RNF168: variants seen among roughly 807,000 people sequenced by gnomAD.
RNF168 encodes E3 ubiquitin-protein ligase RNF168.
A neutral mutation model predicts 34.9 loss-of-function variants in RNF168; 34 were observed. The observed-to-expected ratio is 0.97, with a 90% CI of 0.74 to 1.30. The LOEUF is 1.30. Among genes scored for constraint, RNF168 ranks in the 50% most tolerant of loss-of-function variants. The pLI is 0.00. For synonymous variants in RNF168, 264 were observed against 254.7 expected, an observed-to-expected ratio of 1.04 and a Z score of -0.35; for missense variants, 725 against 682.5, an observed-to-expected ratio of 1.06 and a Z score of -0.69.
intron 3 of RNF168, among the ~76,000 whole-genome samples, chr3:196,485,841 C>T (rs953414366): frequency 3.3e-5 from 5 of 152,018 alleles, no homozygotes; most frequent in Admixed American, 2.0e-4. Context: ...TTAAGATATT[C>T]GTTGTTTGAA....
intron 1 of RNF168, among the ~76,000 whole-genome samples, chr3:196,494,951 C>T (rs1223558189): frequency 6.6e-6 from 1 of 152,022 alleles, no homozygotes; most frequent in African/African-American, 2.4e-5. Flanking sequence ...TGAGCCCGGG[C>T]GGTGGAGGGT....
At chr3:196,481,732 C>T (rs1331321235) in intron 4 of RNF168, among the ~76,000 whole-genome samples, 1 of 131,396 alleles carries the variant, frequency 7.6e-6, no homozygotes, top group Admixed American at 9.1e-5. Context: ...TAGCTCACTG[C>T]AGCTTCGACC....
chr3:196,472,570 C>T lies in RNF168; in HGVS notation c.965G>A (p.Gly322Glu). ...GTGACTTAAGACACATAACTCTTTC[C>T]CATGATTGCTTGGTCTTGTTTTGAC... ...GNVKTRPSNH[G>E]KELCVLSHER... Residue 322 changes from glycine (G) to glutamate (E), a missense_variant, in exon 6 of 6, where the codon GGG (glycine) becomes GAG (glutamate). Coordinates refer to ENST00000318037, the MANE Select transcript of RNF168 (RefSeq NM_152617.4). The T allele has an allele frequency of 6.2e-7, 1 of 1,614,210 alleles. No homozygotes were observed. The highest frequency in any genetic ancestry group is 1.3e-5 in the African/African-American group (1 of 75,046).
At chr3:196,500,383 G>A (rs114833967) in intron 1 of RNF168, among the ~76,000 whole-genome samples, 3,031 of 152,214 alleles carry the variant, frequency 0.02, 100 homozygotes, top group African/African-American at 0.069. Context: ...CATTACGCTA[G>A]GTAAAACAGG....
chr3:196,490,829 A>G (rs1395873103), intron 1 of RNF168, among the ~76,000 whole-genome samples: 1 of 152,234 alleles, frequency 6.6e-6, no homozygotes, highest in Non-Finnish European at 1.5e-5. Context: ...GTCACTAAGG[A>G]GGATCTATTC....
intron 4 of RNF168, among the ~76,000 whole-genome samples, chr3:196,476,032 G>C (rs546446070): frequency 2.9e-4 from 44 of 151,066 alleles, no homozygotes; most frequent in Admixed American, 2.9e-3. Flanking sequence ...GCTAATTTTT[G>C]TATTTTTAGT....
chr3:196,487,307 A>C, intron 3 of RNF168, 92 bp downstream of exon 3: 1 of 1,115,294 alleles, frequency 9.0e-7, no homozygotes, highest in South Asian at 1.2e-5. Flanking sequence ...CAGAACCTGG[A>C]AATACAAGGA....
chr3:196,489,562 G>A (rs1732541626), intron 1 of RNF168, among the ~76,000 whole-genome samples: 1 of 151,558 alleles, frequency 6.6e-6, no homozygotes, highest in South Asian at 2.1e-4. Context: ...CCTAATGTCG[G>A]GCAATCTGCT....
intron 1 of RNF168, among the ~76,000 whole-genome samples, chr3:196,494,700 T>A (rs990381740): frequency 1.3e-5 from 2 of 152,160 alleles, no homozygotes; most frequent in African/African-American, 4.8e-5. Flanking sequence ...TGTACATCAG[T>A]GTGGCTGGAT....
At chr3:196,494,025 G>C (rs1245342390) in intron 1 of RNF168, among the ~76,000 whole-genome samples, 1 of 150,354 alleles carries the variant, frequency 6.7e-6, no homozygotes. Flanking sequence ...GCTAATTTTT[G>C]TATTTTTTGT....
chr3:196,500,768 G>A (rs1050218391), intron 1 of RNF168, among the ~76,000 whole-genome samples: 7 of 151,836 alleles, frequency 4.6e-5, no homozygotes, highest in African/African-American at 1.5e-4. Flanking sequence ...CTGGAGTGCG[G>A]TGGCGTGATC....
chr3:196,471,294 A>C lies in RNF168; in HGVS notation c.*525T>G, dbSNP rs1270880620. The C allele has an allele frequency of 6.6e-6, 1 of 151,686 alleles. No individual in the cohort carries two copies. The highest frequency in any genetic ancestry group is 1.5e-5 in the Non-Finnish European group (1 of 68,030). 9.4% of individuals were successfully genotyped at this position (151,686 alleles called of 1,614,324 possible). On this transcript the variant is annotated 3_prime_UTR_variant, in exon 6 of 6. Coordinates refer to ENST00000318037, the MANE Select transcript of RNF168 (RefSeq NM_152617.4). Reference sequence around the variant, plus strand: ...AAACTCCGTCTAAAAAAAAAAAACAAACACCAAAGGAAATGCTACAATGCT... The same window carrying C: ...AAACTCCGTCTAAAAAAAAAAAACACACACCAAAGGAAATGCTACAATGCT...
intron 5 of RNF168, 68 bp downstream of exon 5, chr3:196,475,163 T>C (rs1484026399): frequency 3.3e-6 from 3 of 896,648 alleles, no homozygotes; most frequent in South Asian, 1.3e-5. Context: ...GGTAGAAAAC[T>C]ATGGATAGCA....
chr3:196,475,219 G>C lies in RNF168; in HGVS notation c.762+12C>G, dbSNP rs756997218. 6.8e-7 allele frequency: 1 copy of C among 1,468,100 alleles called. No homozygotes were observed. Among genetic ancestry groups the C allele is most frequent in the African/African-American group, 1.4e-5 (1 of 72,248 alleles). 90.9% of individuals were successfully genotyped at this position (1,468,100 alleles called of 1,614,324 possible). On this transcript the variant is annotated intron_variant, in intron 5 of 5. Coordinates refer to ENST00000318037, the MANE Select transcript of RNF168 (RefSeq NM_152617.4). ...ACCAGCAAAACTCAGAACATCTTCAGTATCAACATACCTTAGATACGGAGT... is the reference window on the plus strand; with the variant it reads ...ACCAGCAAAACTCAGAACATCTTCACTATCAACATACCTTAGATACGGAGT...
At chr3:196,476,999 C>T (rs1489867455) in intron 4 of RNF168, among the ~76,000 whole-genome samples, 1 of 152,176 alleles carries the variant, frequency 6.6e-6, no homozygotes, top group Non-Finnish European at 1.5e-5. Flanking sequence ...CCGCCTGCCT[C>T]GGCCTCCCTA....
In RNF168 at chr3:196,502,879, C is replaced by A. The variant is rs1397381243; in HGVS notation, c.295G>T (p.Glu99Ter). ...CACGCCATGGTTTACTCACCCACTT[C>A]CTCTGATTCTTGGCCAGACGCTCTA... Reference protein sequence around the residue: ...KLRASGQESEEVADDYQPVRL... With the variant: ...KLRASGQESE The change falls in exon 1 of 6, where the codon GAA becomes TAA. Residue 99 changes from glutamate (E) to a stop codon, truncating the protein, a stop_gained. Coordinates refer to ENST00000318037, the MANE Select transcript of RNF168 (RefSeq NM_152617.4). LOFTEE classifies it high-confidence loss of function. The A allele has an allele frequency of 6.2e-7, 1 of 1,613,760 alleles. No homozygotes were observed. Among genetic ancestry groups the A allele is most frequent in the South Asian group, 1.1e-5 (1 of 91,072 alleles).
At chr3:196,490,308 T>C (rs1346058746) in intron 1 of RNF168, among the ~76,000 whole-genome samples, 1 of 152,200 alleles carries the variant, frequency 6.6e-6, no homozygotes, top group Non-Finnish European at 1.5e-5. Flanking sequence ...GACACTGTTT[T>C]ATAAAGTGTA....
At chr3:196,487,829 A>G (rs1221558634) in intron 2 of RNF168, among the ~76,000 whole-genome samples, 2 of 152,182 alleles carry the variant, frequency 1.3e-5, no homozygotes, top group Non-Finnish European at 2.9e-5. Context: ...AATTATACAC[A>G]AAATTTTGAA....
chr3:196,486,957 A>G (rs778852700), intron 3 of RNF168, among the ~76,000 whole-genome samples: 1 of 152,126 alleles, frequency 6.6e-6, no homozygotes, highest in Non-Finnish European at 1.5e-5. Flanking sequence ...GCTACTCGGG[A>G]GGTTGGAAGG....
Sources: allele counts gnomAD v4.1 joint callset (sites outside exome capture counted in the v4.1 genomes callset), GRCh38; gene constraint gnomAD v4.1.1; transcripts MANE v1.5; gene names NCBI Gene and HGNC (gene_info 2026-07-23, HGNC 2026-07-21).